Variants in SIMC1 observed in about 807,000 individuals in gnomAD.
The protein encoded by SIMC1 is SUMO-interacting motif-containing protein 1.
A neutral mutation model predicts 82.3 loss-of-function variants in SIMC1; 55 were observed. The ratio of observed to expected loss-of-function variants is 0.67; its 90% CI spans 0.54 to 0.84. The LOEUF (loss-of-function observed/expected upper bound fraction) is 0.84, where lower values mean the gene tolerates loss of function less well. SIMC1 is among the 40% of genes least tolerant of loss of function. The pLI, the probability that SIMC1 is intolerant of heterozygous loss-of-function variation, is 0.00. For synonymous variants in SIMC1, 353 were observed against 426.3 expected, an observed-to-expected ratio of 0.83 and a Z score of 2.12; for missense variants, 915 against 1,107.2, an observed-to-expected ratio of 0.83 and a Z score of 2.46.
intron 1 of SIMC1, among the ~76,000 whole-genome samples, chr5:176,263,005 G>A (rs1425900434): frequency 4.6e-5 from 7 of 151,524 alleles, no homozygotes; most frequent in African/African-American, 1.7e-4. Context: ...CAATGAAAAA[G>A]TGGAATTTGA....
chr5:176,263,125 G>A (rs1448327684), intron 1 of SIMC1, among the ~76,000 whole-genome samples: 1 of 152,058 alleles, frequency 6.6e-6, no homozygotes, highest in Non-Finnish European at 1.5e-5. Flanking sequence ...AAACTGTGAT[G>A]ACAGGTGTCA....
At chr5:176,306,413 G>A (rs74408310) in intron 4 of SIMC1, among the ~76,000 whole-genome samples, 1 of 108,212 alleles carries the variant, frequency 9.2e-6, no homozygotes, top group Admixed American at 9.4e-5. Context: ...TGGGAGGTGT[G>A]CCCAACAGCT....
At chr5:176,261,375 T>C (rs1440019990) in intron 1 of SIMC1, among the ~76,000 whole-genome samples, 2 of 152,226 alleles carry the variant, frequency 1.3e-5, no homozygotes, top group Admixed American at 1.3e-4. Context: ...ATTGGAATTT[T>C]GTTTGTAATT....
chr5:176,297,970 C>A (rs1160113190), intron 4 of SIMC1, among the ~76,000 whole-genome samples: 1 of 152,126 alleles, frequency 6.6e-6, no homozygotes, highest in African/African-American at 2.4e-5. Flanking sequence ...TAACAGAGGG[C>A]TTTAAATAGG....
Position 176,336,716 on chromosome 5 carries a change from A to C in SIMC1, c.2172-4A>C, listed in dbSNP as rs773008022. 3 of 1,613,776 alleles carry C rather than the reference A, an allele frequency of 1.9e-6. No individual in the cohort carries two copies. Among genetic ancestry groups the C allele is most frequent in the South Asian group, 1.1e-5 (1 of 91,066 alleles). The stretch of plus-strand genomic sequence containing the variant: ...TTAACTCCCTCTTCCTCTTCTCCAC[A>C]CAGAGAAATGTTCTTTACTACCATG... On this transcript the variant is annotated splice_region_variant and splice_polypyrimidine_tract_variant and intron_variant, in intron 7 of 9. Coordinates refer to ENST00000429602, the MANE Select transcript of SIMC1 (RefSeq NM_001308195.2).
chr5:176,328,561 G>A (rs1412121087), intron 7 of SIMC1, among the ~76,000 whole-genome samples: 1 of 151,878 alleles, frequency 6.6e-6, no homozygotes, highest in African/African-American at 2.4e-5. Context: ...AATCAGACCT[G>A]GGCAATGACC....
intron 4 of SIMC1, among the ~76,000 whole-genome samples, chr5:176,301,374 A>G (rs995940165): frequency 6.6e-6 from 1 of 152,200 alleles, no homozygotes; most frequent in Non-Finnish European, 1.5e-5. Flanking sequence ...AGGCCTCCCC[A>G]GCCATGTGGA....
In SIMC1 at chr5:176,345,177, T is replaced by TCTG. The variant is rs762683026; in HGVS notation, c.2414-6_2414-5insCTG. 145 of 1,610,388 alleles carry TCTG rather than the reference T, an allele frequency of 9.0e-5. No individual in the cohort carries two copies. Among genetic ancestry groups the TCTG allele is most frequent in the Non-Finnish European group, 5.1e-6 (6 of 1,177,624 alleles). ...AGCACCCAACTGACTTTTTTCCCTCTTGCAGAACACTTAAGGAGTTCCGTG... is the reference window on the plus strand; with the variant it reads ...AGCACCCAACTGACTTTTTTCCCTCTCTGTGCAGAACACTTAAGGAGTTCCGTG... On this transcript the variant is annotated splice_polypyrimidine_tract_variant and splice_region_variant and intron_variant, in intron 9 of 9. Transcript: ENST00000429602.
At chr5:176,296,214 T>C in intron 3 of SIMC1, 37 bp from the exon 4 acceptor site, 2 of 1,596,852 alleles carry the variant, frequency 1.3e-6, no homozygotes, top group Non-Finnish European at 1.7e-6. Flanking sequence ...TTCCGCTAAA[T>C]TCTCCATAAT....
intron 1 of SIMC1, among the ~76,000 whole-genome samples, chr5:176,280,831 T>A (rs2113221146): frequency 6.6e-6 from 1 of 152,340 alleles, no homozygotes; most frequent in Middle Eastern, 3.4e-3. Flanking sequence ...CCTTTGTGGG[T>A]AACCCGACCT....
intron 9 of SIMC1, among the ~76,000 whole-genome samples, chr5:176,340,815 TC>T (rs1483719380): frequency 1.3e-5 from 2 of 152,178 alleles, no homozygotes; most frequent in Admixed American, 6.5e-5. Context: ...TTTGGAGGGA[TC>T]CAGGAAGGCC....
chr5:176,296,185 C>T, intron 3 of SIMC1, 66 bp from the exon 4 acceptor site: 1 of 1,596,994 alleles, frequency 6.3e-7, no homozygotes, highest in Non-Finnish European at 8.5e-7. Flanking sequence ...CTTCTATCAC[C>T]TTCAGATCCT....
At chr5:176,344,966 A>C (rs1271148291) in intron 9 of SIMC1, among the ~76,000 whole-genome samples, 1 of 152,058 alleles carries the variant, frequency 6.6e-6, no homozygotes, top group Non-Finnish European at 1.5e-5. Context: ...AAACCATATC[A>C]CTTTTTTTAA....
At chr5:176,320,825 C>T (rs2046622631) in intron 5 of SIMC1, among the ~76,000 whole-genome samples, 1 of 152,100 alleles carries the variant, frequency 6.6e-6, no homozygotes, top group Non-Finnish European at 1.5e-5. Flanking sequence ...TTCTCAATTC[C>T]ACTAAGTCAA....
chr5:176,341,447 A>T (rs1350492081), intron 9 of SIMC1, among the ~76,000 whole-genome samples: 1 of 152,248 alleles, frequency 6.6e-6, no homozygotes, highest in Non-Finnish European at 1.5e-5. Flanking sequence ...GTTCCAAGTA[A>T]GGGAGTGTCA....
At chr5:176,270,634 G>A (rs1231475424) in intron 1 of SIMC1, 1 of 152,244 alleles carries the variant, frequency 6.6e-6, no homozygotes, top group Non-Finnish European at 1.5e-5. Context: ...CAGCAGTGCA[G>A]TATGATGTGG....
intron 7 of SIMC1, among the ~76,000 whole-genome samples, chr5:176,326,233 G>T (rs1765387438): frequency 6.6e-6 from 1 of 152,056 alleles, no homozygotes; most frequent in Non-Finnish European, 1.5e-5. Context: ...CAACTATTGT[G>T]CAGCTTTGGT....
In SIMC1 at chr5:176,337,113, T is replaced by G. The variant is rs1561735177; in HGVS notation, c.2380T>G (p.Phe794Val). The change falls in exon 9 of 10, where the codon TTT becomes GTT. Residue 794 changes from phenylalanine (F) to valine (V), a missense_variant. By Grantham distance (50) the Phe-to-Val change is conservative. Around this residue, in one of 2 missense-constraint regions of SIMC1, gnomAD observed 902 missense variants for 1,040.3 expected, o/e 0.87. Transcript: ENST00000429602. The part of the protein sequence containing the change: ...TWDELVEHLQ[F>V]LLSSYQHVLR... ...GGACGAATTGGTTGAGCATCTGCAG[T>G]TTCTGCTGTCCAGTTATCAACATGT... The G allele has an allele frequency of 6.2e-7, 1 of 1,614,020 alleles. No homozygotes were observed.
intron 1 of SIMC1, among the ~76,000 whole-genome samples, chr5:176,242,330 C>T (rs1194234251): frequency 6.6e-5 from 10 of 151,746 alleles, no homozygotes; most frequent in Non-Finnish European, 1.5e-5. Flanking sequence ...CTTTACATTT[C>T]TGTCAACTGC....
Sources: allele counts gnomAD v4.1 joint callset (sites outside exome capture counted in the v4.1 genomes callset), GRCh38; gene constraint gnomAD v4.1.1; regional missense constraint gnomAD v4.1.1; transcripts MANE v1.5; gene names NCBI Gene and HGNC (gene_info 2026-07-23, HGNC 2026-07-21).